Variants in C4orf50 observed in about 807,000 individuals in gnomAD.
C4orf50 encodes the protein chromosome 4 open reading frame 50.
A neutral mutation model predicts 77.2 loss-of-function variants in C4orf50; 80 were observed. The ratio of observed to expected loss-of-function variants is 1.04; its 90% CI spans 0.87 to 1.25. C4orf50 has a LOEUF of 1.25. Ranked by LOEUF, C4orf50 falls within the 50% of genes most tolerant of loss-of-function variation. C4orf50 has a pLI of 0.00. For missense variants in C4orf50, 1,257 were observed against 1,152.9 expected (o/e 1.09, Z -1.31); for synonymous variants, 532 against 465.3 (o/e 1.14, Z -1.84).
downstream of C4orf50, among the ~76,000 whole-genome samples, chr4:5,956,371 C>T (rs1718958246): frequency 1.3e-5 from 2 of 152,222 alleles, no homozygotes; most frequent in South Asian, 4.1e-4. Context: ...GGTCAGCCGC[C>T]CACTCCACGG....
intron 33 of C4orf50, among the ~76,000 whole-genome samples, chr4:5,964,201 G>A (rs1016802311): frequency 6.6e-6 from 1 of 152,190 alleles, no homozygotes; most frequent in Non-Finnish European, 1.5e-5. Flanking sequence ...CCAGCTGAGA[G>A]GGTGAAAAGC....
chr4:5,993,002 C>G (rs902830722), intron 26 of C4orf50, 72 bp from the exon 5 acceptor site: 9 of 397,300 alleles, frequency 2.3e-5, no homozygotes, highest in Non-Finnish European at 3.5e-5. Flanking sequence ...CTCTAGGGAC[C>G]ACGTCCCCCA....
At chr4:5,979,162 G>T (rs539235628) in intron 29 of C4orf50, among the ~76,000 whole-genome samples, 1 of 152,290 alleles carries the variant, frequency 6.6e-6, no homozygotes, top group African/African-American at 2.4e-5. Flanking sequence ...CACAGTTAAT[G>T]ATTTATATAT....
At chr4:6,003,521 A>T (rs1721934444) in intron 25 of C4orf50, among the ~76,000 whole-genome samples, 1 of 151,232 alleles carries the variant, frequency 6.6e-6, no homozygotes, top group Non-Finnish European at 1.5e-5. Context: ...GATGGTGATG[A>T]TGATGTGGTG....
intron 31 of C4orf50, 145 bp from the exon 10 acceptor site, chr4:5,967,607 A>C (rs934524495): frequency 1.5e-6 from 1 of 689,152 alleles, no homozygotes; most frequent in East Asian, 2.6e-5. Context: ...GCCTGTGTGC[A>C]TGAAGACCTC....
chr4:5,927,911 G>T (rs1717590469), intron 7 of C4orf50, among the ~76,000 whole-genome samples: 2 of 152,076 alleles, frequency 1.3e-5, no homozygotes, highest in Non-Finnish European at 2.9e-5. Flanking sequence ...CCCAACACCT[G>T]CCTGGGTCCC....
chr4:5,972,882 G>A (rs1720014914), intron 31 of C4orf50, among the ~76,000 whole-genome samples: 1 of 152,230 alleles, frequency 6.6e-6, no homozygotes, highest in Admixed American at 6.5e-5. Flanking sequence ...GGTGCTGACT[G>A]TAGTCAGGAG....
At chr4:5,934,223 G>A (rs1717906470) in intron 7 of C4orf50, among the ~76,000 whole-genome samples, 1 of 152,080 alleles carries the variant, frequency 6.6e-6, no homozygotes, top group Admixed American at 6.5e-5. Context: ...ACAGTGTTTG[G>A]CGGCGACACA....
chr4:5,952,824 G>A (rs1432949425), downstream of C4orf50, among the ~76,000 whole-genome samples: 1 of 151,988 alleles, frequency 6.6e-6, no homozygotes, highest in Non-Finnish European at 1.5e-5. This position sits in a 1 kb window ranked among gnomAD's most constrained non-coding sequence, Gnocchi z 4.4. Context: ...TCCCGACACC[G>A]ACACTCCCGC....
downstream of C4orf50, among the ~76,000 whole-genome samples, chr4:5,955,782 CG>C (rs1033348063): frequency 3.3e-5 from 5 of 152,132 alleles, no homozygotes; most frequent in Admixed American, 3.3e-4. The surrounding 1 kb of genome is among the most constrained non-coding windows in gnomAD (Gnocchi z 5.1). Context: ...AGGAAGCAAA[CG>C]CCTGCTTGCT....
intron 7 of C4orf50, among the ~76,000 whole-genome samples, chr4:5,922,538 C>A (rs28451061): frequency 1.1e-4 from 16 of 152,044 alleles, no homozygotes; most frequent in African/African-American, 3.6e-4. Flanking sequence ...ATTGGACCCA[C>A]GGGAAGGGGC....
At chr4:5,921,600 G>A (rs1717274205) in intron 7 of C4orf50, among the ~76,000 whole-genome samples, 1 of 152,134 alleles carries the variant, frequency 6.6e-6, no homozygotes, top group African/African-American at 2.4e-5. Context: ...GCTCAGGGGT[G>A]GGGAGATGCT....
At chr4:5,955,836 G>A (rs1718933639), downstream of C4orf50, among the ~76,000 whole-genome samples, 1 of 152,170 alleles carries the variant, frequency 6.6e-6, no homozygotes, top group Admixed American at 6.5e-5. This position sits in a 1 kb window ranked among gnomAD's most constrained non-coding sequence, Gnocchi z 5.1. Flanking sequence ...GTCAGTGCAG[G>A]GCCCTGTCTG....
intron 28 of C4orf50, among the ~76,000 whole-genome samples, chr4:5,984,468 A>G (rs939850266): frequency 6.6e-6 from 1 of 152,346 alleles, no homozygotes; most frequent in South Asian, 2.1e-4. Context: ...AAAACATAGG[A>G]AAAATAAAGA....
intron 7 of C4orf50, among the ~76,000 whole-genome samples, chr4:5,944,627 G>A (rs748948778): frequency 2.0e-5 from 3 of 152,236 alleles, no homozygotes; most frequent in South Asian, 2.1e-4. Flanking sequence ...CACCCCCCAC[G>A]CCTGGCCTGT....
chr4:5,967,317 A>G, intron 32 of C4orf50, 97 bp downstream of exon 10: 2 of 921,068 alleles, frequency 2.2e-6, no homozygotes, highest in East Asian at 2.4e-5. Flanking sequence ...TGAATGCGAC[A>G]GTGGGCATCT....
Position 5,988,336 on chromosome 4 carries a change from AC to A in C4orf50, c.3699+10del. 1.2e-6 allele frequency: 2 copies of A among 1,612,228 alleles called. No homozygotes were observed. The highest frequency in any genetic ancestry group is 4.5e-5 in the East Asian group (2 of 44,860). ...GCGTGATGAGTAAGCAGATATGCAGACCCAACCTACCATGGGGCCATTGCTC... is the reference window on the plus strand; with the variant it reads ...GCGTGATGAGTAAGCAGATATGCAGACCAACCTACCATGGGGCCATTGCTC... On this transcript the variant is annotated intron_variant, in intron 28 of 33. Transcript: ENST00000531445.
chr4:5,962,797 G>A (rs1309612928), intron 33 of C4orf50, among the ~76,000 whole-genome samples: 1 of 152,188 alleles, frequency 6.6e-6, no homozygotes, highest in Admixed American at 6.5e-5. Flanking sequence ...TGCCGGCGCA[G>A]TAAGATTTGG....
chr4:5,932,056 C>T lies in C4orf50; in HGVS notation c.*2474+24845G>A, dbSNP rs1337378148. 7.8e-6 allele frequency among the ~76,000 whole-genome samples: 1 copy of T among 127,684 alleles called. No homozygotes were observed. Among genetic ancestry groups the T allele is most frequent in the Non-Finnish European group, 1.6e-5 (1 of 61,260 alleles). The allele number at this position is 127,684 out of a possible 152,430, so 83.8% of individuals were successfully genotyped here. On this transcript the variant is annotated intron_variant, in intron 7 of 7. Transcript: ENST00000324058. This position sits in a 1 kb window ranked among gnomAD's most constrained non-coding sequence, Gnocchi z 4.2. ...AAGCTCTTCCCAACGCCCCCCCGCC[C>T]CCCACCCCTGCCAACTGTCTCTAAT...
Sources: allele counts gnomAD v4.1 joint callset (sites outside exome capture counted in the v4.1 genomes callset), GRCh38; gene constraint gnomAD v4.1.1; non-coding constraint Gnocchi (gnomAD v3.1); transcripts MANE v1.5; gene names NCBI Gene and HGNC (gene_info 2026-07-23, HGNC 2026-07-21).